ITGBL1: variants seen among roughly 807,000 people sequenced by gnomAD.
ITGBL1 encodes integrin subunit beta like 1, also known as integrin beta-like protein 1.
Under a neutral mutation model 68.5 loss-of-function variants are expected in ITGBL1, and 51 were observed. The ratio of observed to expected loss-of-function variants is 0.74; its 90% CI spans 0.59 to 0.94. The LOEUF is 0.94. Ranked by LOEUF, ITGBL1 falls within the 40% of genes least tolerant of loss-of-function variation. The pLI is 0.00. For missense variants in ITGBL1, 649 were observed against 647.4 expected (o/e 1.00, Z -0.03); for synonymous variants, 209 against 227.3 (o/e 0.92, Z 0.72).
chr13:101,653,698 C>CT (rs3063728), intron 7 of ITGBL1, among the ~76,000 whole-genome samples: 8 of 150,278 alleles, frequency 5.3e-5, no homozygotes, highest in Admixed American at 2.0e-4. Flanking sequence ...GAGAAGGCTT[C>CT]TTTTTTTTTG....
intron 7 of ITGBL1, among the ~76,000 whole-genome samples, chr13:101,671,725 A>ACCG (rs1016854290): frequency 2.0e-5 from 3 of 152,086 alleles, no homozygotes; most frequent in Non-Finnish European, 4.4e-5. Context: ...GGCGTGAGCC[A>ACCG]CCGCGCCCGG....
chr13:101,596,139 C>T (rs2029953224), intron 6 of ITGBL1, among the ~76,000 whole-genome samples: 1 of 152,034 alleles, frequency 6.6e-6, no homozygotes, highest in African/African-American at 2.4e-5. Flanking sequence ...TTTGCCACAA[C>T]ATGGATGAAC....
intron 7 of ITGBL1, among the ~76,000 whole-genome samples, chr13:101,649,850 C>G (rs1181787978): frequency 6.6e-6 from 1 of 152,182 alleles, no homozygotes; most frequent in African/African-American, 2.4e-5. Flanking sequence ...ACCATACCCT[C>G]TTAGTTTCAC....
chr13:101,591,025 C>G (rs1331467427), intron 6 of ITGBL1, among the ~76,000 whole-genome samples: 1 of 152,070 alleles, frequency 6.6e-6, no homozygotes, highest in African/African-American at 2.4e-5. Flanking sequence ...TGCCTAGCCT[C>G]CCAAGTAGCT....
chr13:101,635,815 A>C (rs1315184576), intron 7 of ITGBL1, among the ~76,000 whole-genome samples: 2 of 152,024 alleles, frequency 1.3e-5, no homozygotes, highest in Non-Finnish European at 2.9e-5. Flanking sequence ...CTAATTTTCT[A>C]CTCTCATATG....
intron 7 of ITGBL1, among the ~76,000 whole-genome samples, chr13:101,635,582 A>G (rs2032145715): frequency 6.6e-6 from 1 of 152,074 alleles, no homozygotes; most frequent in South Asian, 2.1e-4. Flanking sequence ...CCATATTTCA[A>G]TGAGTGCTAT....
chr13:101,581,729 T>C (rs2050461013), intron 5 of ITGBL1, among the ~76,000 whole-genome samples: 1 of 152,250 alleles, frequency 6.6e-6, no homozygotes. Context: ...TAAATACAAC[T>C]ATATTTTATA....
chr13:101,505,399 ATCAATC>A (rs956697214), intron 2 of ITGBL1, among the ~76,000 whole-genome samples: 6 of 152,212 alleles, frequency 3.9e-5, no homozygotes, highest in African/African-American at 1.4e-4. Flanking sequence ...ATGTAAATAA[ATCAATC>A]TATAGAGTAG....
At chr13:101,602,339 A>G (rs2030434626) in intron 7 of ITGBL1, among the ~76,000 whole-genome samples, 1 of 152,022 alleles carries the variant, frequency 6.6e-6, no homozygotes, top group African/African-American at 2.4e-5. Context: ...CAAATTGGAG[A>G]AGGACAAATT....
chr13:101,651,763 G>A (rs1566775911), intron 7 of ITGBL1, among the ~76,000 whole-genome samples: 1 of 151,866 alleles, frequency 6.6e-6, no homozygotes. Flanking sequence ...TGTCCTAAAT[G>A]GTATTACCTA....
intron 7 of ITGBL1, among the ~76,000 whole-genome samples, chr13:101,644,900 A>G (rs2032509916): frequency 6.6e-6 from 1 of 152,196 alleles, no homozygotes; most frequent in South Asian, 2.1e-4. Context: ...CTTGGAGAGA[A>G]AATATTGTCA....
intron 2 of ITGBL1, among the ~76,000 whole-genome samples, chr13:101,543,306 T>A (rs1300084829): frequency 6.6e-6 from 1 of 152,198 alleles, no homozygotes; most frequent in Non-Finnish European, 1.5e-5. Context: ...TTATTTCTCC[T>A]TCACTTATAA....
rs185466085 is a variant in ITGBL1, at chr13:101,454,716, T to G, written c.316+616T>G. Among the ~76,000 whole-genome samples, 12 of 152,364 alleles carry G rather than the reference T, an allele frequency of 7.9e-5. No individual in the cohort carries two copies. The East Asian group carries it at 1.9e-3, about 24-fold the overall frequency. On this transcript the variant is annotated intron_variant, in intron 2 of 10. Transcript: ENST00000376180. ...TCCTCCATTCTAGGGAGGCAGGTTTTGTCTTTGAAGCCTGATTTGCCCTCT... is the reference window on the plus strand; with the variant it reads ...TCCTCCATTCTAGGGAGGCAGGTTTGGTCTTTGAAGCCTGATTTGCCCTCT...
At chr13:101,655,517 C>T (rs2032893520) in intron 7 of ITGBL1, among the ~76,000 whole-genome samples, 2 of 152,144 alleles carry the variant, frequency 1.3e-5, no homozygotes, top group Admixed American at 6.6e-5. Flanking sequence ...TGAGAACAAC[C>T]TGGTGTGAAA....
intron 2 of ITGBL1, among the ~76,000 whole-genome samples, chr13:101,561,997 G>A (rs1472000019): frequency 6.6e-6 from 1 of 152,162 alleles, no homozygotes; most frequent in Admixed American, 6.6e-5. Context: ...AGTAGATTGT[G>A]TGTCTATAGG....
intron 2 of ITGBL1, among the ~76,000 whole-genome samples, chr13:101,464,779 T>C (rs1309808612): frequency 6.6e-6 from 1 of 152,152 alleles, no homozygotes; most frequent in Non-Finnish European, 1.5e-5. Flanking sequence ...CATATATATG[T>C]GTGTTTGTAT....
chr13:101,633,539 A>G (rs886736550), intron 7 of ITGBL1, among the ~76,000 whole-genome samples: 6 of 152,142 alleles, frequency 3.9e-5, no homozygotes, highest in East Asian at 3.9e-4. Context: ...AGCCAAAAAA[A>G]CCAAGTGGAA....
At chr13:101,662,873 G>T (rs2139482323) in intron 7 of ITGBL1, among the ~76,000 whole-genome samples, 2 of 151,776 alleles carry the variant, frequency 1.3e-5, no homozygotes, top group South Asian at 4.2e-4. Context: ...CTATTTCCAT[G>T]ATTTTTTGAC....
chr13:101,645,350 C>CT (rs771190322), intron 7 of ITGBL1, among the ~76,000 whole-genome samples: 12 of 152,162 alleles, frequency 7.9e-5, no homozygotes, highest in Non-Finnish European at 1.8e-4. Context: ...TTAAAGCCAC[C>CT]TTTTCAGGAG....
Sources: gnomAD v4.1 joint callset for allele counts (sites outside exome capture counted in the v4.1 genomes callset) on GRCh38, gnomAD v4.1.1 for gene constraint, MANE v1.5 for transcripts, NCBI Gene and HGNC (gene_info 2026-07-23, HGNC 2026-07-21) for gene names.